Variants in MDH1B observed in about 807,000 individuals in gnomAD.
MDH1B encodes malate dehydrogenase 1B.
A neutral mutation model predicts 61.4 loss-of-function variants in MDH1B; 60 were observed. The ratio of observed to expected loss-of-function variants is 0.98; its 90% CI spans 0.79 to 1.21. The LOEUF is 1.21. Among genes scored for constraint, MDH1B ranks in the 50% most tolerant of loss-of-function variants. The pLI is 0.00. For synonymous variants in MDH1B, 236 were observed against 218.7 expected, an observed-to-expected ratio of 1.08 and a Z score of -0.70; for missense variants, 587 against 632.1, an observed-to-expected ratio of 0.93 and a Z score of 0.76.
chr2:206,748,449 G>A (rs1688245025), intron 7 of MDH1B, among the ~76,000 whole-genome samples: 1 of 152,242 alleles, frequency 6.6e-6, no homozygotes, highest in African/African-American at 2.4e-5. Flanking sequence ...GGCTGTAAAA[G>A]TTTATATGCA....
chr2:206,739,747 T>C, intron 10 of MDH1B, 86 bp from the exon 11 acceptor site: 1 of 1,221,186 alleles, frequency 8.2e-7, no homozygotes, highest in Non-Finnish European at 1.2e-6. Context: ...ATCTTGTTCC[T>C]TCCACTCTGA....
At chr2:206,762,238 G>C (rs974608698) in intron 1 of MDH1B, among the ~76,000 whole-genome samples, 2 of 151,974 alleles carry the variant, frequency 1.3e-5, no homozygotes, top group South Asian at 4.2e-4. Flanking sequence ...TGCATTATCA[G>C]AACACAACAG....
intron 5 of MDH1B, among the ~76,000 whole-genome samples, chr2:206,752,013 G>C (rs747923962): frequency 1.3e-5 from 2 of 152,078 alleles, no homozygotes; most frequent in Non-Finnish European, 2.9e-5. Flanking sequence ...TAACTAGAAG[G>C]ACTACTTTTC....
Position 206,745,645 on chromosome 2 carries a change from A to G in MDH1B, c.1385T>C (p.Ile462Thr). The change falls in exon 9 of 12, where the codon ATA (isoleucine) becomes ACA (threonine). Residue 462 changes from isoleucine (I) to threonine (T), a missense_variant. Physicochemically the swap from Ile to Thr is moderately conservative, Grantham distance 89. Coordinates refer to ENST00000374412, the MANE Select transcript of MDH1B (RefSeq NM_001039845.3). The part of the protein sequence containing the change: ...QEKLVALGDK[I>T]HFQPYQSGHK... ...ACCTGATTGGTATGGCTGAAAATGTATCTTGTCTCCAAGTGCAACAAGTTT... is the reference window on the plus strand; with the variant it reads ...ACCTGATTGGTATGGCTGAAAATGTGTCTTGTCTCCAAGTGCAACAAGTTT... 3 of 1,612,390 alleles carry G rather than the reference A, an allele frequency of 1.9e-6. No homozygotes were observed. The highest frequency in any genetic ancestry group is 8.5e-7 in the Non-Finnish European group (1 of 1,179,022).
At position 206,745,679 on chromosome 2, in the gene MDH1B, G is replaced by T; in HGVS notation, c.1357-6C>A. On this transcript the variant is annotated splice_region_variant and splice_polypyrimidine_tract_variant and intron_variant, in intron 8 of 11. Transcript: ENST00000374412. Reference sequence around the variant, plus strand: ...CCAAGTGCAACAAGTTTCTCCTGTTGAAATTTTATAATCACAGAATTAAAT... The same window carrying T: ...CCAAGTGCAACAAGTTTCTCCTGTTTAAATTTTATAATCACAGAATTAAAT... The T allele has an allele frequency of 6.4e-7, 1 of 1,562,222 alleles. No individual in the cohort carries two copies. Among genetic ancestry groups the T allele is most frequent in the Non-Finnish European group, 8.8e-7 (1 of 1,137,832 alleles).
intron 5 of MDH1B, among the ~76,000 whole-genome samples, chr2:206,752,768 T>C (rs1244514563): frequency 6.8e-6 from 1 of 148,092 alleles, no homozygotes; most frequent in South Asian, 2.2e-4. Flanking sequence ...CTTTCTTCCC[T>C]CTTGGCATGA....
intron 9 of MDH1B, among the ~76,000 whole-genome samples, chr2:206,744,629 A>G (rs1687991308): frequency 6.6e-6 from 1 of 152,102 alleles, no homozygotes; most frequent in Non-Finnish European, 1.5e-5. Context: ...TGTTTCCAAA[A>G]AGATATGCTG....
chr2:206,763,922 C>A (rs1468546391), intron 1 of MDH1B, among the ~76,000 whole-genome samples: 1 of 151,904 alleles, frequency 6.6e-6, no homozygotes, highest in Non-Finnish European at 1.5e-5. Context: ...TCCTATAGAA[C>A]CCTGCCCTGT....
At chr2:206,744,709 G>A (rs1460301687) in intron 9 of MDH1B, among the ~76,000 whole-genome samples, 1 of 151,750 alleles carries the variant, frequency 6.6e-6, no homozygotes, top group African/African-American at 2.4e-5. Context: ...GGTGGATCAC[G>A]AGGTCAGCAG....
At chr2:206,753,480 C>T (rs1480210749) in intron 5 of MDH1B, among the ~76,000 whole-genome samples, 1 of 152,092 alleles carries the variant, frequency 6.6e-6, no homozygotes, top group Non-Finnish European at 1.5e-5. Flanking sequence ...TTTTTTGCAA[C>T]AGAAGGAGTC....
chr2:206,762,240 A>G (rs914912830), intron 1 of MDH1B, among the ~76,000 whole-genome samples: 2 of 152,182 alleles, frequency 1.3e-5, no homozygotes, highest in Non-Finnish European at 2.9e-5. Context: ...CATTATCAGA[A>G]CACAACAGAC....
At chr2:206,751,342 A>T (rs1365897095) in intron 5 of MDH1B, among the ~76,000 whole-genome samples, 1 of 152,180 alleles carries the variant, frequency 6.6e-6, no homozygotes, top group African/African-American at 2.4e-5. Flanking sequence ...CTTGAAAGAA[A>T]CTGCTACTGA....
At chr2:206,757,674 C>A (rs534243812) in intron 2 of MDH1B, among the ~76,000 whole-genome samples, 1 of 152,162 alleles carries the variant, frequency 6.6e-6, no homozygotes, top group Non-Finnish European at 1.5e-5. Context: ...GTCACATGTT[C>A]CAACTCAACT....
rs535205031 is a variant in MDH1B at position 206,741,254 on chromosome 2, C to T, written c.1409-150G>A. 14 of 956,852 alleles carry T rather than the reference C, an allele frequency of 1.5e-5. No individual in the cohort carries two copies. In the East Asian group the frequency reaches 3.5e-4, roughly 24 times the overall value. 59.3% of individuals were successfully genotyped at this position (956,852 alleles called of 1,614,324 possible). ...ATTTTACATTATAGTCCAATGTGTA[C>T]ATTTGTGTACATATTAATGAAACAA... is the stretch of plus-strand genomic sequence containing the variant. On this transcript the variant is annotated intron_variant, in intron 9 of 11. Transcript: ENST00000374412.
At chr2:206,763,318 T>A (rs1434267114) in intron 1 of MDH1B, among the ~76,000 whole-genome samples, 1 of 152,084 alleles carries the variant, frequency 6.6e-6, no homozygotes, top group East Asian at 1.9e-4. Flanking sequence ...TAACTCCTTT[T>A]TCTCCCTTAT....
At chr2:206,753,725 C>A (rs961979002) in intron 5 of MDH1B, among the ~76,000 whole-genome samples, 2 of 152,168 alleles carry the variant, frequency 1.3e-5, no homozygotes, top group African/African-American at 4.8e-5. Context: ...CCCTCTAATG[C>A]CTTTTTCCTT....
chr2:206,739,529 CTCT>C, intron 11 of MDH1B, 61 bp downstream of exon 11: 3 of 1,412,720 alleles, frequency 2.1e-6, no homozygotes, highest in Non-Finnish European at 3.0e-6. Flanking sequence ...AAATTTGATC[CTCT>C]ATTACCCAGT....
chr2:206,753,977 T>C (rs941890748), intron 5 of MDH1B, among the ~76,000 whole-genome samples: 1 of 151,638 alleles, frequency 6.6e-6, no homozygotes, highest in African/African-American at 2.4e-5. Context: ...ACACATATAA[T>C]TATAAGGTTG....
At position 206,741,035 on chromosome 2, in the gene MDH1B, T is replaced by G; in HGVS notation, c.1459+19A>C. The G allele has an allele frequency of 6.2e-7, 1 of 1,613,054 alleles. No individual in the cohort carries two copies. Among genetic ancestry groups the G allele is most frequent in the Non-Finnish European group, 8.5e-7 (1 of 1,179,550 alleles). ...GACTATTAGCAATATAGACATTGTTTATAACCCCACTGACTTACCATCTGA... is the reference window on the plus strand; with the variant it reads ...GACTATTAGCAATATAGACATTGTTGATAACCCCACTGACTTACCATCTGA... On this transcript the variant is annotated intron_variant, in intron 10 of 11. Transcript: ENST00000374412.
Sources: gnomAD v4.1 joint callset for allele counts (sites outside exome capture counted in the v4.1 genomes callset) on GRCh38, gnomAD v4.1.1 for gene constraint, MANE v1.5 for transcripts, NCBI Gene and HGNC (gene_info 2026-07-23, HGNC 2026-07-21) for gene names.